CYRIB: variants seen among roughly 807,000 people sequenced by gnomAD.
CYRIB encodes CYFIP related Rac1 interactor B.
A neutral mutation model predicts 44.2 loss-of-function variants in CYRIB; 8 were observed. The ratio of observed to expected loss-of-function variants is 0.18; its 90% confidence interval spans 0.11 to 0.33. The LOEUF is 0.33. Among genes scored for constraint, CYRIB ranks in the 10% least tolerant of loss-of-function variants. The pLI, the probability that CYRIB is intolerant of heterozygous loss-of-function variation, is 1.00. For missense variants in CYRIB, 185 were observed against 382.8 expected (o/e 0.48, Z 4.31); for synonymous variants, 131 against 127.2 (o/e 1.03, Z -0.20).
rs184120507 is a variant in CYRIB, at chr8:129,841,091, T to C, written c.*1051A>G. Reference sequence around the variant, plus strand: ...CCACTAGTGAGATCATGGCCTCTGCTTTTCTCCTGGGAAGTCCCTCTTATA... The same window carrying C: ...CCACTAGTGAGATCATGGCCTCTGCCTTTCTCCTGGGAAGTCCCTCTTATA... On this transcript the variant is annotated 3_prime_UTR_variant, in exon 12 of 12. Coordinates refer to ENST00000519824, the Ensembl canonical transcript of CYRIB. 7 of 152,288 alleles carry C rather than the reference T, an allele frequency of 4.6e-5. No individual in the cohort carries two copies. In the East Asian group the frequency reaches 9.6e-4, roughly 21 times the overall value. The allele number at this position is 152,288 out of a possible 1,614,324, so 9.4% of individuals were successfully genotyped here. A position where few individuals can be genotyped will look rare whatever the true frequency, so the allele number is the denominator to read the frequency against.
intron 1 of CYRIB, among the ~76,000 whole-genome samples, chr8:129,972,446 A>T (rs1026113098): frequency 6.6e-6 from 1 of 151,996 alleles, no homozygotes. Context: ...GCGTGGTGGC[A>T]CATGCCTGTA....
At chr8:129,924,523 C>G (rs866766337) in intron 1 of CYRIB, among the ~76,000 whole-genome samples, 1 of 152,140 alleles carries the variant, frequency 6.6e-6, no homozygotes, top group Non-Finnish European at 1.5e-5. Flanking sequence ...AAGCCGAACC[C>G]GTGGGATGTA....
chr8:129,902,659 A>C (rs1350556914), intron 2 of CYRIB, among the ~76,000 whole-genome samples: 1 of 152,184 alleles, frequency 6.6e-6, no homozygotes, highest in Middle Eastern at 3.2e-3. Context: ...TTTTGAAAAA[A>C]TATACTCTGT....
intron 3 of CYRIB, among the ~76,000 whole-genome samples, chr8:129,876,329 C>T (rs1043445600): frequency 1.3e-5 from 2 of 151,988 alleles, no homozygotes; most frequent in African/African-American, 2.4e-5. Flanking sequence ...GAGATCATGC[C>T]GCTGCACTCC....
At chr8:129,885,739 G>T (rs1233175259) in intron 2 of CYRIB, among the ~76,000 whole-genome samples, 3 of 151,842 alleles carry the variant, frequency 2.0e-5, no homozygotes, top group Admixed American at 6.6e-5. Flanking sequence ...CCACCAACCT[G>T]AAGTGCAGCC....
intron 1 of CYRIB, chr8:129,912,389 CTCCACCTCTAG>C (rs1311384712): frequency 1.3e-5 from 2 of 152,074 alleles, no homozygotes; most frequent in Non-Finnish European, 2.9e-5. Flanking sequence ...GTACCACTCT[CTCCACCTCTAG>C]TCCAATGCTG....
At chr8:129,913,954 C>T (rs562704378) in intron 1 of CYRIB, among the ~76,000 whole-genome samples, 42 of 152,206 alleles carry the variant, frequency 2.8e-4, no homozygotes, top group African/African-American at 8.7e-4. Flanking sequence ...AATGAAGGTA[C>T]TGAAAATACA....
intron 6 of CYRIB, among the ~76,000 whole-genome samples, chr8:129,855,069 T>C (rs1317081900): frequency 6.6e-6 from 1 of 151,782 alleles, no homozygotes; most frequent in Non-Finnish European, 1.5e-5. Context: ...GGGTAGAGGG[T>C]GTGAGCAGAA....
intron 2 of CYRIB, among the ~76,000 whole-genome samples, chr8:129,899,176 T>C (rs2070072740): frequency 6.6e-6 from 1 of 152,190 alleles, no homozygotes; most frequent in Admixed American, 6.5e-5. Flanking sequence ...TTTCATTATA[T>C]CATTTTTTAA....
intron 2 of CYRIB, among the ~76,000 whole-genome samples, chr8:129,968,298 T>C (rs946827505): frequency 2.0e-5 from 3 of 152,232 alleles, no homozygotes; most frequent in African/African-American, 7.2e-5. Flanking sequence ...TTGTTGGATT[T>C]CAATTTTAAT....
At chr8:129,926,090 A>G (rs2087551918) in intron 1 of CYRIB, among the ~76,000 whole-genome samples, 1 of 152,200 alleles carries the variant, frequency 6.6e-6, no homozygotes, top group South Asian at 2.1e-4. Context: ...AGAAATATGC[A>G]TCTGTTGACT....
chr8:129,858,814 C>T (rs560422167), intron 5 of CYRIB, among the ~76,000 whole-genome samples: 1 of 152,288 alleles, frequency 6.6e-6, no homozygotes, highest in Non-Finnish European at 1.5e-5. Context: ...ACTACCTGAC[C>T]ATACAACCTT....
intron 1 of CYRIB, among the ~76,000 whole-genome samples, chr8:129,937,076 T>A (rs1173702393): frequency 6.6e-6 from 1 of 152,184 alleles, no homozygotes; most frequent in Non-Finnish European, 1.5e-5. Context: ...TTTATCAAAA[T>A]TTTTTGCCAC....
intron 5 of CYRIB, among the ~76,000 whole-genome samples, chr8:129,856,523 C>T (rs192400815): frequency 6.6e-6 from 1 of 152,058 alleles, no homozygotes; most frequent in Non-Finnish European, 1.5e-5. Flanking sequence ...CTGGAAAATG[C>T]TGCTAGATTC....
At chr8:130,001,956 A>C (rs1272187904) in intron 1 of CYRIB, among the ~76,000 whole-genome samples, 1 of 152,220 alleles carries the variant, frequency 6.6e-6, no homozygotes, top group East Asian at 1.9e-4. Context: ...TGTCTTCTGC[A>C]TAGACCTAGG....
At chr8:129,977,726 G>C (rs1378877606) in intron 1 of CYRIB, among the ~76,000 whole-genome samples, 1 of 152,044 alleles carries the variant, frequency 6.6e-6, no homozygotes, top group East Asian at 1.9e-4. Context: ...TAGAGATGGG[G>C]TTTCACCGTG....
chr8:129,846,751 AC>A, intron 11 of CYRIB, 52 bp downstream of exon 13: 1 of 1,244,440 alleles, frequency 8.0e-7, no homozygotes, highest in Non-Finnish European at 1.1e-6. Context: ...ATAAACATCG[AC>A]CATTTTCCTT....
intron 2 of CYRIB, among the ~76,000 whole-genome samples, chr8:129,969,885 G>A (rs1177890094): frequency 2.0e-5 from 3 of 152,236 alleles, no homozygotes; most frequent in African/African-American, 7.2e-5. Context: ...CGCCCATTGG[G>A]TGGAATGACA....
intron 1 of CYRIB, among the ~76,000 whole-genome samples, chr8:129,991,136 A>G (rs979481963): frequency 1.2e-3 from 180 of 149,296 alleles, no homozygotes; most frequent in African/African-American, 4.4e-3. Flanking sequence ...TGTCTCAGAA[A>G]AAAAAAAAAA....
Sources: gnomAD v4.1 joint callset for allele counts (sites outside exome capture counted in the v4.1 genomes callset) on GRCh38, gnomAD v4.1.1 for gene constraint, MANE v1.5 for transcripts, NCBI Gene and HGNC (gene_info 2026-07-23, HGNC 2026-07-21) for gene names.